The following CENPP variants were observed in gnomAD, a reference collection of about 807,000 sequenced individuals.
The protein encoded by CENPP is centromere protein P.
CENPP carries 24 observed loss-of-function variants against 35.6 expected under a neutral mutation model. That is an observed-to-expected ratio of 0.67 (90% CI 0.49 to 0.95). The LOEUF (loss-of-function observed/expected upper bound fraction) is 0.95, where lower values mean the gene tolerates loss of function less well. Ranked by LOEUF, CENPP falls within the 40% of genes least tolerant of loss-of-function variation. The probability of loss-of-function intolerance (pLI) is 0.00; values close to 1 mark genes in which losing one functional copy is unlikely to be tolerated. For synonymous variants in CENPP, 120 were observed against 125.5 expected, an observed-to-expected ratio of 0.96 and a Z score of 0.29; for missense variants, 332 against 345.3, an observed-to-expected ratio of 0.96 and a Z score of 0.31.
intron 4 of CENPP, among the ~76,000 whole-genome samples, chr9:92,347,615 C>A (rs533994624): frequency 6.6e-6 from 1 of 152,182 alleles, no homozygotes; most frequent in African/African-American, 2.4e-5. Context: ...CATTATAGAT[C>A]TGTAGTTTTT....
chr9:92,463,451 A>T (rs1564334567), intron 5 of CENPP, among the ~76,000 whole-genome samples: 2 of 152,250 alleles, frequency 1.3e-5, no homozygotes, highest in Admixed American at 6.5e-5. Flanking sequence ...TTGAAAACTC[A>T]TGAGAAGTTA....
chr9:92,399,031 A>G (rs1843001997), intron 5 of CENPP, among the ~76,000 whole-genome samples: 1 of 151,884 alleles, frequency 6.6e-6, no homozygotes, highest in Admixed American at 6.6e-5. Context: ...GCTGCACACC[A>G]GTCTGAGAGC....
chr9:92,438,999 G>A (rs1309384344), intron 5 of CENPP, among the ~76,000 whole-genome samples: 1 of 152,198 alleles, frequency 6.6e-6, no homozygotes, highest in Admixed American at 6.5e-5. Flanking sequence ...TTATTGCTAC[G>A]TGGTATGGCC....
At chr9:92,470,843 T>C in intron 5 of CENPP, 1 of 991,446 alleles carries the variant, frequency 1.0e-6, no homozygotes, top group Non-Finnish European at 1.5e-6. Flanking sequence ...ATTACTAATA[T>C]GGTAGAAATA....
chr9:92,363,980 C>G (rs1420316790), intron 4 of CENPP, among the ~76,000 whole-genome samples: 2 of 152,034 alleles, frequency 1.3e-5, no homozygotes, highest in Non-Finnish European at 2.9e-5. Context: ...TCCTGAATAG[C>G]TGGAACCACA....
chr9:92,532,015 G>GTTTTGTTTTTT (rs1848797660), intron 5 of CENPP, among the ~76,000 whole-genome samples: 1 of 95,736 alleles, frequency 1.0e-5, no homozygotes, highest in Non-Finnish European at 1.9e-5. Flanking sequence ...TTTATTTAAT[G>GTTTTGTTTTTT]TTTTTTTTTT....
At chr9:92,332,408 GA>G in intron 2 of CENPP, 57 bp downstream of exon 2, 5 of 1,147,708 alleles carry the variant, frequency 4.4e-6, no homozygotes, top group Non-Finnish European at 6.0e-6. Flanking sequence ...TTATGCATAA[GA>G]AATTGGTTGT....
intron 5 of CENPP, among the ~76,000 whole-genome samples, chr9:92,429,146 A>G (rs1207048640): frequency 2.0e-5 from 3 of 152,206 alleles, no homozygotes; most frequent in Non-Finnish European, 4.4e-5. Flanking sequence ...GTTTGAATGA[A>G]TGAATGAATG....
intron 5 of CENPP, among the ~76,000 whole-genome samples, chr9:92,587,150 A>G (rs528374741): frequency 2.0e-4 from 31 of 152,288 alleles, no homozygotes; most frequent in Middle Eastern, 3.4e-3. Flanking sequence ...GAACAAAATG[A>G]GATATCAATA....
Position 92,619,395 on chromosome 9 carries a change from A to G in CENPP, c.*6246A>G. 1.9e-6 allele frequency: 2 copies of G among 1,044,104 alleles called. No homozygotes were observed. Among genetic ancestry groups the G allele is most frequent in the Non-Finnish European group, 2.9e-6 (2 of 689,954 alleles). The allele number at this position is 1,044,104 out of a possible 1,614,324, so 64.7% of individuals were successfully genotyped here. A position where few individuals can be genotyped will look rare whatever the true frequency, so the allele number is the denominator to read the frequency against. ...TCACTCCGCCATGGAGTCTCTAAAT[A>G]TGGGGAAACCAACTATCCTATTAAC... On this transcript the variant is annotated 3_prime_UTR_variant, in exon 8 of 8. Coordinates refer to ENST00000375587, the MANE Select transcript of CENPP (RefSeq NM_001012267.3).
At chr9:92,508,391 A>G (rs1847136303) in intron 5 of CENPP, among the ~76,000 whole-genome samples, 1 of 152,198 alleles carries the variant, frequency 6.6e-6, no homozygotes, top group Non-Finnish European at 1.5e-5. Context: ...ACACTCTGGG[A>G]ATCTAGAAGC....
Position 92,348,435 on chromosome 9 carries a change from C to A in CENPP, c.467+2648C>A, listed in dbSNP as rs138076843. 1.9e-3 allele frequency among the ~76,000 whole-genome samples: 288 copies of A among 150,560 alleles called. 2 individuals carry two copies. Among genetic ancestry groups the A allele is most frequent in the Middle Eastern group, 0.014 (4 of 292 alleles). On this transcript the variant is annotated intron_variant, in intron 4 of 7. Transcript: ENST00000375587. ...GAGATGGAATTTCGCTCTTTTTGCC[C>A]AGGCTGGAGTGCGATGGCACAATCT... is the stretch of plus-strand genomic sequence containing the variant.
intron 5 of CENPP, chr9:92,415,433 A>G: frequency 6.2e-7 from 1 of 1,613,184 alleles, no homozygotes; most frequent in Admixed American, 1.7e-5. Context: ...AAATGGTGGT[A>G]ATGTAGTGGG....
chr9:92,512,692 AG>A (rs1428694332), intron 5 of CENPP, among the ~76,000 whole-genome samples: 1 of 152,140 alleles, frequency 6.6e-6, no homozygotes, highest in Non-Finnish European at 1.5e-5. Context: ...TTAATTTTAT[AG>A]GTTTTTGTTT....
chr9:92,539,179 C>T (rs372381310), intron 5 of CENPP: 3 of 152,220 alleles, frequency 2.0e-5, no homozygotes, highest in South Asian at 2.1e-4. Context: ...GGTTGGCCAA[C>T]GTAAGTGGAG....
chr9:92,547,731 T>G (rs932376126), intron 5 of CENPP, among the ~76,000 whole-genome samples: 1 of 152,218 alleles, frequency 6.6e-6, no homozygotes, highest in Non-Finnish European at 1.5e-5. Flanking sequence ...CTAAAAATAG[T>G]AGTGATGGCC....
intron 5 of CENPP, among the ~76,000 whole-genome samples, chr9:92,450,341 C>T (rs868211789): frequency 1.4e-5 from 2 of 146,942 alleles, no homozygotes; most frequent in Non-Finnish European, 3.0e-5. Flanking sequence ...TGAGAAGATG[C>T]GGTGTTTGGT....
chr9:92,368,700 CAT>C (rs1387524180), intron 4 of CENPP, among the ~76,000 whole-genome samples: 1 of 152,046 alleles, frequency 6.6e-6, no homozygotes, highest in Non-Finnish European at 1.5e-5. Context: ...TTATATTTGA[CAT>C]ATATCTGTGT....
At chr9:92,428,659 G>T (rs1036936575) in intron 5 of CENPP, among the ~76,000 whole-genome samples, 1 of 143,434 alleles carries the variant, frequency 7.0e-6, no homozygotes, top group Non-Finnish European at 1.6e-5. Context: ...CTTCTTGTCT[G>T]CATAAAAATC....
Sources: allele counts gnomAD v4.1 joint callset (sites outside exome capture counted in the v4.1 genomes callset), GRCh38; gene constraint gnomAD v4.1.1; transcripts MANE v1.5; gene names NCBI Gene and HGNC (gene_info 2026-07-23, HGNC 2026-07-21).